The following LAMA5 variants were observed in gnomAD, a reference collection of about 807,000 sequenced individuals.
LAMA5 encodes the protein laminin subunit alpha 5.
A neutral mutation model predicts 433.4 loss-of-function variants in LAMA5; 260 were observed. That is an observed-to-expected ratio of 0.60 (90% confidence interval 0.54 to 0.66). The LOEUF (loss-of-function observed/expected upper bound fraction) is 0.66. Among genes scored for constraint, LAMA5 ranks in the 30% least tolerant of loss-of-function variants. LAMA5 has a pLI of 0.00. For missense variants in LAMA5, 5,378 were observed against 5,258.5 expected (o/e 1.02, Z -0.70); for synonymous variants, 2,620 against 2,226.6 (o/e 1.18, Z -4.97).
intron 11 of LAMA5, chr20:62,342,057 C>T (rs903735174): frequency 1.3e-5 from 2 of 158,956 alleles, no homozygotes; most frequent in African/African-American, 4.9e-5. Flanking sequence ...AATACCAGCA[C>T]TTTGGGAGGC....
At chr20:62,334,993 G>A in intron 20 of LAMA5, 28 bp downstream of exon 20, 1 of 1,595,378 alleles carries the variant, frequency 6.3e-7, no homozygotes, top group Non-Finnish European at 8.6e-7. Context: ...GCAGGGCTGT[G>A]GTCTGGGACG....
In LAMA5 at chr20:62,318,580, G is replaced by A. The variant is rs111275179; in HGVS notation, c.7113C>T (p.Arg2371=). 113 of 1,610,638 alleles carry A rather than the reference G, an allele frequency of 7.0e-5. No individual in the cohort carries two copies. The highest frequency in any genetic ancestry group is 5.0e-4 in the Admixed American group (30 of 59,906). The change falls in exon 53 of 80, where the codon CGC becomes CGT. Residue 2371 remains arginine (R), a synonymous_variant. Transcript: ENST00000252999. ...CGGCCTCGTGCTGGGCCAGCCGGTC[G>A]CGGGTTTGTGTGGCCAGTGCCTGGT... ...EENQALATQT[R]DRLAQHEAGL... is the part of the protein sequence containing the mutation.
intron 62 of LAMA5, 27 bp from the exon 63 acceptor site, chr20:62,313,829 G>A (rs372918123): frequency 6.2e-6 from 10 of 1,608,822 alleles, no homozygotes; most frequent in Non-Finnish European, 8.5e-6. Flanking sequence ...GGGGTGGCGA[G>A]TGGGCACGGA....
At chr20:62,366,309 C>T (rs117461798) in intron 1 of LAMA5, among the ~76,000 whole-genome samples, 4,762 of 152,254 alleles carry the variant, frequency 0.031, 104 homozygotes, top group Non-Finnish European at 0.047. Context: ...GGACATGCAC[C>T]CCAGGGGGTC....
At chr20:62,322,540 C>G in intron 46 of LAMA5, 91 bp from the exon 47 acceptor site, 1 of 1,447,490 alleles carries the variant, frequency 6.9e-7, no homozygotes, top group Non-Finnish European at 9.4e-7. Flanking sequence ...CTGGCCCCAC[C>G]CCCTGAGGCT....
chr20:62,320,480 CT>C, intron 50 of LAMA5, 78 bp downstream of exon 50: 1 of 1,083,204 alleles, frequency 9.2e-7, no homozygotes. Context: ...GAAGTAACAT[CT>C]GCTGAATGAG....
At position 62,318,960 on chromosome 20, in the gene LAMA5, C is replaced by A. The variant is rs755925866; in HGVS notation, c.6925G>T (p.Gly2309Cys). Residue 2309 changes from glycine (G) to cysteine (C), a missense_variant, in exon 52 of 80, where the codon GGT becomes TGT. Transcript: ENST00000252999. ...GCCAGTGTCCGGAGCAGCTGCTCAC[C>A]TGATGGAGCCGAGGCATTGGCCAGC... ...LGLANASAPS[G>C]EQLLRTLAEV... 2.5e-6 allele frequency: 4 copies of A among 1,595,418 alleles called. No individual in the cohort carries two copies. Among genetic ancestry groups the A allele is most frequent in the Non-Finnish European group, 3.4e-6 (4 of 1,173,394 alleles).
rs994503733 is a variant in LAMA5, at chr20:62,312,233, G to A, written c.9444C>T (p.Tyr3148=). 2.5e-6 allele frequency: 4 copies of A among 1,610,948 alleles called. No individual in the cohort carries two copies. The highest frequency in any genetic ancestry group is 3.4e-6 in the Non-Finnish European group (4 of 1,179,432). ...SNVAPLTGNV[Y]SGFGFHSAQD... is the part of the protein sequence containing the mutation. ...GGGCGCTGTGGAAGCCGAAGCCGGA[G>A]TAGACGTTGCCAGTGAGCGGTGCCA... Residue 3148 remains tyrosine (Y), a synonymous_variant, in exon 69 of 80, where the codon TAC becomes TAT. Coordinates refer to ENST00000252999, the MANE Select transcript of LAMA5 (RefSeq NM_005560.6).
rs772282556 is a variant in LAMA5, at chr20:62,311,473, C to T, written c.9870G>A (p.Thr3290=). The stretch of plus-strand genomic sequence containing the variant: ...GGGCTTGCAGGGCGGGTGCACAGCC[C>T]GTGCTCACATTGACGCTGCCCAGGT... The part of the protein sequence containing the change: ...QQNLGSVNVS[T]GCAPALQAQT... The change falls in exon 72 of 80, where the codon ACG becomes ACA. Residue 3290 remains threonine (T), a synonymous_variant. Transcript: ENST00000252999. 2.2e-4 allele frequency: 353 copies of T among 1,609,464 alleles called. No homozygotes were observed. The highest frequency in any genetic ancestry group is 2.5e-4 in the Non-Finnish European group (290 of 1,178,460).
chr20:62,328,070 C>T, intron 35 of LAMA5, 60 bp from the exon 36 acceptor site: 1 of 1,599,406 alleles, frequency 6.3e-7, no homozygotes, highest in Admixed American at 1.7e-5. Context: ...CAAAGTGAGA[C>T]CTCGTAGGCA....
At position 62,314,381 on chromosome 20, in the gene LAMA5, C is replaced by G. The variant is rs1406922165; in HGVS notation, c.8427G>C (p.Gln2809His). ...GGACTGCAGGGCCCGCCTCACCCAG[C>G]TGATACACCCAGTGCACCTTCTTGT... ...LRDKKVHWVY[Q>H]LGEAGPAVLS... is the part of the protein sequence containing the mutation. Residue 2809 changes from glutamine to histidine, a missense_variant, in exon 62 of 80, where the codon CAG (glutamine) becomes CAC (histidine). Physicochemically the swap from Gln to His is conservative, Grantham distance 24. Transcript: ENST00000252999. The G allele has an allele frequency of 6.2e-7, 1 of 1,613,504 alleles. No homozygotes were observed. Among genetic ancestry groups the G allele is most frequent in the Non-Finnish European group, 8.5e-7 (1 of 1,179,958 alleles).
chr20:62,347,556 C>G (rs1983581668), intron 6 of LAMA5, among the ~76,000 whole-genome samples: 1 of 152,222 alleles, frequency 6.6e-6, no homozygotes, highest in African/African-American at 2.4e-5. Flanking sequence ...GCATCCTGGT[C>G]ACCTCCCTAG....
rs567163655 is a variant in LAMA5 at position 62,350,383 on chromosome 20, C to T, written c.956+1321G>A. 5.3e-5 allele frequency among the ~76,000 whole-genome samples: 8 copies of T among 152,204 alleles called. No individual in the cohort carries two copies. In the South Asian group the frequency reaches 6.2e-4, roughly 12 times the overall value. On this transcript the variant is annotated intron_variant, in intron 6 of 79. Transcript: ENST00000252999. ...CTCCTGGCAAACAGCCCAAGTCCTC[C>T]GGCTCAGGTGACTGTGCCACTCCTC...
Position 62,336,431 on chromosome 20 carries a change from A to G in LAMA5, c.2232T>C (p.Cys744=). ...DPALPEAQVP[C]MCRAHVEGPS... The stretch of plus-strand genomic sequence containing the variant: ...GCCCCTCCACGTGAGCCCGGCACAT[A>G]CAGGGAACCTGTGCCTGGGAGAGGA... The change falls in exon 18 of 80, where the codon TGT becomes TGC. Residue 744 remains cysteine (C), a synonymous_variant. Transcript: ENST00000252999. 1.2e-6 allele frequency: 2 copies of G among 1,612,248 alleles called. No individual in the cohort carries two copies. The highest frequency in any genetic ancestry group is 1.7e-6 in the Non-Finnish European group (2 of 1,179,646).
At position 62,337,669 on chromosome 20, in the gene LAMA5, C is replaced by T; in HGVS notation, c.2085G>A (p.Gln695=). ...LHAACDPRSG[Q]CSCRPRVTGL... Reference sequence around the variant, plus strand: ...CCGTCACACGGGGCCGGCAGCTGCACTGCCCACTCCGGGGGTCACAGGCTG... The same window carrying T: ...CCGTCACACGGGGCCGGCAGCTGCATTGCCCACTCCGGGGGTCACAGGCTG... Residue 695 remains glutamine (Q), a synonymous_variant, in exon 16 of 80, where the codon CAG becomes CAA. Transcript: ENST00000252999. The T allele has an allele frequency of 6.2e-7, 1 of 1,612,216 alleles. No homozygotes were observed. The highest frequency in any genetic ancestry group is 1.1e-5 in the South Asian group (1 of 91,046).
At chr20:62,315,294 C>G (rs1167707758) in intron 58 of LAMA5, 87 bp from the exon 59 acceptor site, 31 of 1,143,014 alleles carry the variant, frequency 2.7e-5, no homozygotes, top group Non-Finnish European at 9.9e-6. Flanking sequence ...GGGCCAGCAA[C>G]AGGGACATCC....
In LAMA5 at chr20:62,310,197, A is replaced by G; in HGVS notation, c.10715T>C (p.Leu3572Ser). ...GQARTPPYLQ[L>S]QVTEKQVLLR... The stretch of plus-strand genomic sequence containing the variant: ...GCTTACTTGCTTCTCGGTCACCTGC[A>G]ACTGCAAGTAGGGGGGCGTCCGGGC... Residue 3572 changes from leucine to serine, a missense_variant, in exon 77 of 80, where the codon TTG (leucine) becomes TCG (serine). Transcript: ENST00000252999. 1 of 1,612,528 alleles carries G rather than the reference A, an allele frequency of 6.2e-7. No individual in the cohort carries two copies. The highest frequency in any genetic ancestry group is 1.1e-5 in the South Asian group (1 of 91,082).
At chr20:62,318,685 A>G in intron 52 of LAMA5, 35 bp from the exon 53 acceptor site, 6 of 1,600,352 alleles carry the variant, frequency 3.7e-6, no homozygotes, top group Non-Finnish European at 5.1e-6. Context: ...GTCACTCTGG[A>G]AGCCAGGCCC....
At chr20:62,329,387 AGCCCTGG>A (rs944357177) in intron 32 of LAMA5, 134 bp from the exon 33 acceptor site, 94 of 497,372 alleles carry the variant, frequency 1.9e-4, no homozygotes, top group African/African-American at 1.8e-3. Flanking sequence ...AGCCCAGCCC[AGCCCTGG>A]GCCCTGGCTG....
Sources: gnomAD v4.1 joint callset for allele counts (sites outside exome capture counted in the v4.1 genomes callset) on GRCh38, gnomAD v4.1.1 for gene constraint, MANE v1.5 for transcripts, NCBI Gene and HGNC (gene_info 2026-07-23, HGNC 2026-07-21) for gene names.